MARCHF1: variants seen among roughly 807,000 people sequenced by gnomAD.
MARCHF1 encodes E3 ubiquitin-protein ligase MARCHF1.
A neutral mutation model predicts 54.2 loss-of-function variants in MARCHF1; 40 were observed. The ratio of observed to expected loss-of-function variants is 0.74; its 90% CI spans 0.57 to 0.96. The LOEUF is 0.96. Among genes scored for constraint, MARCHF1 ranks in the 40% least tolerant of loss-of-function variants. The pLI is 0.00. For synonymous variants in MARCHF1, 236 were observed against 236.3 expected (o/e 1.00, Z 0.01); for missense variants, 586 against 656.5 (o/e 0.89, Z 1.17).
At chr4:163,667,214 G>A (rs1743567270) in intron 5 of MARCHF1, among the ~76,000 whole-genome samples, 2 of 152,056 alleles carry the variant, frequency 1.3e-5, no homozygotes, top group African/African-American at 4.8e-5. Flanking sequence ...TTCTTGAACT[G>A]CAGGTGGCAA....
At chr4:163,994,871 T>C (rs1202159056) in intron 2 of MARCHF1, among the ~76,000 whole-genome samples, 5 of 151,992 alleles carry the variant, frequency 3.3e-5, no homozygotes, top group African/African-American at 1.2e-4. Flanking sequence ...ATATTATTTT[T>C]ATGCCTTGTA....
At chr4:163,667,280 G>A (rs1322536063) in intron 5 of MARCHF1, among the ~76,000 whole-genome samples, 1 of 152,172 alleles carries the variant, frequency 6.6e-6, no homozygotes, top group East Asian at 1.9e-4. Flanking sequence ...TGCATTCTTG[G>A]CTGAAACTGC....
chr4:164,033,052 G>C (rs1753911695), intron 2 of MARCHF1, among the ~76,000 whole-genome samples: 1 of 151,952 alleles, frequency 6.6e-6, no homozygotes, highest in Non-Finnish European at 1.5e-5. Context: ...CAAGCAATGG[G>C]GAAAGAATTC....
chr4:164,189,620 T>C lies in MARCHF1; in HGVS notation c.-322-77958A>G, dbSNP rs115282852. 2,790 of 914,502 alleles carry C rather than the reference T, an allele frequency of 3.1e-3. 53 individuals are homozygous for C. In the African/African-American group the frequency reaches 0.039, roughly 13 times the overall value. 56.6% of individuals were successfully genotyped at this position (914,502 alleles called of 1,614,324 possible). On this transcript the variant is annotated intron_variant, in intron 1 of 9. Coordinates refer to ENST00000514618, the MANE Select transcript of MARCHF1 (RefSeq NM_001394959.1). Reference sequence around the variant, plus strand: ...GATCAAGATACAGGTGACCTGGTAGTGCTTGATGTATGTCCCCTTACATTT... The same window carrying C: ...GATCAAGATACAGGTGACCTGGTAGCGCTTGATGTATGTCCCCTTACATTT...
At chr4:163,757,865 G>C (rs901688316) in intron 4 of MARCHF1, among the ~76,000 whole-genome samples, 4 of 152,150 alleles carry the variant, frequency 2.6e-5, no homozygotes, top group African/African-American at 4.8e-5. Flanking sequence ...ATGCCTCACT[G>C]TGCTAAGATG....
intron 1 of MARCHF1, among the ~76,000 whole-genome samples, chr4:164,370,736 C>A (rs142758241): frequency 6.6e-6 from 1 of 152,182 alleles, no homozygotes; most frequent in Non-Finnish European, 1.5e-5. Context: ...CGGCGAAACT[C>A]GATCTCTACT....
intron 1 of MARCHF1, among the ~76,000 whole-genome samples, chr4:164,230,948 G>A (rs1732398523): frequency 6.6e-6 from 1 of 152,092 alleles, no homozygotes; most frequent in African/African-American, 2.4e-5. Flanking sequence ...TGAAAGCATT[G>A]CTGCCTAGAA....
chr4:163,637,509 C>G (rs1742381963), intron 5 of MARCHF1, among the ~76,000 whole-genome samples: 1 of 152,002 alleles, frequency 6.6e-6, no homozygotes, highest in Non-Finnish European at 1.5e-5. Context: ...TCATCACTGG[C>G]CATCAGAGAA....
intron 1 of MARCHF1, among the ~76,000 whole-genome samples, chr4:164,167,642 A>G (rs1363439030): frequency 6.6e-6 from 1 of 151,914 alleles, no homozygotes; most frequent in Admixed American, 6.6e-5. Context: ...AGGGCAATTA[A>G]TTTTCAATAA....
At chr4:163,604,236 T>A (rs943900172) in intron 7 of MARCHF1, among the ~76,000 whole-genome samples, 15 of 151,994 alleles carry the variant, frequency 9.9e-5, no homozygotes, top group African/African-American at 3.4e-4. Flanking sequence ...CCCAAATATC[T>A]CTCTTTGGAT....
intron 3 of MARCHF1, among the ~76,000 whole-genome samples, chr4:163,892,864 T>C (rs1433074632): frequency 6.6e-6 from 1 of 152,054 alleles, no homozygotes; most frequent in East Asian, 1.9e-4. Flanking sequence ...AATGGTTTTA[T>C]TGCTCATGGA....
intron 3 of MARCHF1, among the ~76,000 whole-genome samples, chr4:163,884,561 C>T (rs984557255): frequency 3.2e-4 from 48 of 152,122 alleles, no homozygotes; most frequent in African/African-American, 1.1e-3. Context: ...TAATGAAAGG[C>T]CCCAAGTCCC....
In MARCHF1 at chr4:163,628,616, T is replaced by C. The variant is rs187501470; in HGVS notation, c.163-15223A>G. On this transcript the variant is annotated intron_variant, in intron 5 of 9. Coordinates refer to ENST00000514618, the MANE Select transcript of MARCHF1 (RefSeq NM_001394959.1). ...AGAGAGGAAGTCAAATTGTCTTTGTTTGGAGATGATATGATTTTATATTTA... is the reference window on the plus strand; with the variant it reads ...AGAGAGGAAGTCAAATTGTCTTTGTCTGGAGATGATATGATTTTATATTTA... Among the ~76,000 whole-genome samples, 203 of 152,330 alleles carry C rather than the reference T, an allele frequency of 1.3e-3. 1 individual carries two copies. Among genetic ancestry groups the C allele is most frequent in the African/African-American group, 4.4e-3 (185 of 41,586 alleles).
At chr4:163,829,571 C>T (rs1748958893) in intron 4 of MARCHF1, among the ~76,000 whole-genome samples, 1 of 152,086 alleles carries the variant, frequency 6.6e-6, no homozygotes, top group South Asian at 2.1e-4. Flanking sequence ...ACACAGTATC[C>T]CTCTCCCTGA....
intron 4 of MARCHF1, among the ~76,000 whole-genome samples, chr4:163,744,156 T>G (rs1044345676): frequency 2.6e-5 from 4 of 152,212 alleles, no homozygotes; most frequent in Non-Finnish European, 5.9e-5. Flanking sequence ...AGTGATCAAT[T>G]TATTACTGTG....
chr4:163,701,680 A>T (rs555239959), intron 4 of MARCHF1, among the ~76,000 whole-genome samples: 1 of 152,320 alleles, frequency 6.6e-6, no homozygotes, highest in East Asian at 1.9e-4. Flanking sequence ...TATAAGCATT[A>T]TGCATTCTAC....
rs536207966 is a variant in MARCHF1, at chr4:163,527,678, T to TCAACAA, written c.*1064_*1069dup. 6.6e-5 allele frequency: 10 copies of TCAACAA among 152,076 alleles called. No individual in the cohort carries two copies. Among genetic ancestry groups the TCAACAA allele is most frequent in the African/African-American group, 2.4e-4 (10 of 41,434 alleles). 9.4% of individuals were successfully genotyped at this position (152,076 alleles called of 1,614,324 possible). A position where few individuals can be genotyped will look rare whatever the true frequency, so the allele number is the denominator to read the frequency against. On this transcript the variant is annotated 3_prime_UTR_variant, in exon 10 of 10. Coordinates refer to ENST00000514618, the MANE Select transcript of MARCHF1 (RefSeq NM_001394959.1). ...AATGAATTAAACTGTTTTGAAATAC[T>TCAACAA]CAACAACTGTTAAATAAAGCAGAAG...
At chr4:164,381,642 T>A (rs1731372957) in intron 1 of MARCHF1, among the ~76,000 whole-genome samples, 1 of 152,160 alleles carries the variant, frequency 6.6e-6, no homozygotes. Context: ...CTGATCAGAG[T>A]TATACACATA....
chr4:164,212,851 G>T (rs951372151), intron 1 of MARCHF1, among the ~76,000 whole-genome samples: 2 of 152,108 alleles, frequency 1.3e-5, no homozygotes, highest in Non-Finnish European at 2.9e-5. Context: ...GGCCCACCAA[G>T]GTATTGTGTT....
Sources: gnomAD v4.1 joint callset for allele counts (sites outside exome capture counted in the v4.1 genomes callset) on GRCh38, gnomAD v4.1.1 for gene constraint, MANE v1.5 for transcripts, NCBI Gene and HGNC (gene_info 2026-07-23, HGNC 2026-07-21) for gene names.